SMARCA4: variants seen among roughly 807,000 people sequenced by gnomAD.
The protein encoded by SMARCA4 is SWI/SNF-related matrix-associated actin-dependent regulator of chromatin subfamily A member 4.
Under a neutral mutation model 193.9 loss-of-function variants are expected in SMARCA4, and 31 were observed. That is an observed-to-expected ratio of 0.16 (90% CI 0.12 to 0.22). SMARCA4 has a LOEUF of 0.22. SMARCA4 is among the 10% of genes least tolerant of loss of function. The pLI is 1.00. For synonymous variants in SMARCA4, 942 were observed against 933.1 expected (o/e 1.01, Z -0.17); for missense variants, 1,148 against 2,296.0 (o/e 0.50, Z 10.22).
At chr19:11,048,401 G>A (rs936525013) in intron 30 of SMARCA4, among the ~76,000 whole-genome samples, 1 of 152,116 alleles carries the variant, frequency 6.6e-6, no homozygotes, top group African/African-American at 2.4e-5. Context: ...TGCCTGGCCG[G>A]AATTTTTGTT....
At chr19:11,008,065 TGA>T (rs1361891198) in intron 14 of SMARCA4, 42 bp downstream of exon 14, 1 of 1,600,456 alleles carries the variant, frequency 6.2e-7, no homozygotes, top group Non-Finnish European at 8.5e-7. Flanking sequence ...CAGCTTCCTG[TGA>T]GGTGGCGCTG....
At chr19:11,049,744 A>G (rs2076153672) in intron 30 of SMARCA4, among the ~76,000 whole-genome samples, 3 of 152,206 alleles carry the variant, frequency 2.0e-5, no homozygotes, top group Non-Finnish European at 4.4e-5. Context: ...GCAGCCTGCT[A>G]AAGACCACCC....
At chr19:11,057,111 T>G (rs1213342724) in intron 30 of SMARCA4, among the ~76,000 whole-genome samples, 1 of 152,236 alleles carries the variant, frequency 6.6e-6, no homozygotes, top group Non-Finnish European at 1.5e-5. Flanking sequence ...CTTTTAGGCT[T>G]CGTCCGCCTG....
chr19:11,014,985 TTG>T (rs2089221050), intron 16 of SMARCA4, among the ~76,000 whole-genome samples: 1 of 152,002 alleles, frequency 6.6e-6, no homozygotes, highest in Non-Finnish European at 1.5e-5. Flanking sequence ...GCTAACTTTT[TTG>T]CATTTTTAGT....
chr19:11,045,472 A>G (rs1157063617), intron 30 of SMARCA4, among the ~76,000 whole-genome samples: 4 of 152,236 alleles, frequency 2.6e-5, no homozygotes, highest in Non-Finnish European at 5.9e-5. Context: ...TATTCTCTCT[A>G]TAGATCTGGA....
chr19:11,003,922 G>T (rs2087910990), intron 13 of SMARCA4, among the ~76,000 whole-genome samples: 1 of 151,628 alleles, frequency 6.6e-6, no homozygotes, highest in South Asian at 2.1e-4. Context: ...ATATTGGCCA[G>T]GCTGGTCTCA....
intron 11 of SMARCA4, among the ~76,000 whole-genome samples, chr19:10,997,074 A>G (rs1269279035): frequency 6.6e-6 from 1 of 151,792 alleles, no homozygotes; most frequent in Non-Finnish European, 1.5e-5. Flanking sequence ...GGCTAGAGTA[A>G]AGTGGTGCAA....
intron 12 of SMARCA4, 46 bp downstream of exon 12, chr19:11,003,205 C>T (rs377366780): frequency 1.1e-5 from 18 of 1,613,056 alleles, no homozygotes; most frequent in African/African-American, 5.3e-5. Context: ...TCCAAGTCCT[C>T]GGTGGGCCTT....
intron 30 of SMARCA4, among the ~76,000 whole-genome samples, chr19:11,053,877 C>CTCTAG (rs1305308765): frequency 6.6e-6 from 1 of 152,162 alleles, no homozygotes; most frequent in Non-Finnish European, 1.5e-5. Context: ...CACCACTGCA[C>CTCTAG]TCTAGCCTGG....
rs1317459650 is a variant in SMARCA4, at chr19:11,021,971, G to C, written c.2859+4G>C. 1 of 1,611,714 alleles carries C rather than the reference G, an allele frequency of 6.2e-7. No homozygotes were observed. Among genetic ancestry groups the C allele is most frequent in the Non-Finnish European group, 8.5e-7 (1 of 1,179,942 alleles). On this transcript the variant is annotated splice_donor_region_variant and intron_variant, in intron 19 of 34. Coordinates refer to ENST00000344626, the MANE Select transcript of SMARCA4 (RefSeq NM_003072.5). Reference sequence around the variant, plus strand: ...CTTTGCCATGACCGGGGAAAAGGTGGGTTTGCCCAGCTGTGCCCATGCTGA... The same window carrying C: ...CTTTGCCATGACCGGGGAAAAGGTGCGTTTGCCCAGCTGTGCCCATGCTGA...
chr19:11,060,008 G>C (rs1435580352), intron 33 of SMARCA4, 37 bp from the exon 34 acceptor site: 1 of 1,601,336 alleles, frequency 6.2e-7, no homozygotes. Flanking sequence ...TGCATTCCCA[G>C]AGCTCAAGGC....
intron 30 of SMARCA4, among the ~76,000 whole-genome samples, chr19:11,051,181 G>A (rs1275009262): frequency 6.6e-6 from 1 of 152,226 alleles, no homozygotes; most frequent in African/African-American, 2.4e-5. Flanking sequence ...TGTGAGTCGG[G>A]CCCTACCCCC....
In SMARCA4 at chr19:11,025,523, G is replaced by T. The variant is rs757779375; in HGVS notation, c.3168+15G>T. On this transcript the variant is annotated intron_variant, in intron 22 of 34. Transcript: ENST00000344626. Reference sequence around the variant, plus strand: ...AGCACATCGAGGTGAGCCCGCCGCGGCTGGGACGGCTCAGGCCCTGCTGTC... The same window carrying T: ...AGCACATCGAGGTGAGCCCGCCGCGTCTGGGACGGCTCAGGCCCTGCTGTC... 2.5e-6 allele frequency: 4 copies of T among 1,603,826 alleles called. No homozygotes were observed. The highest frequency in any genetic ancestry group is 3.4e-6 in the Non-Finnish European group (4 of 1,172,096).
At chr19:11,060,293 A>G (rs2076792801) in intron 34 of SMARCA4, 106 bp downstream of exon 34, 7 of 1,376,944 alleles carry the variant, frequency 5.1e-6, no homozygotes, top group Non-Finnish European at 7.1e-6. Context: ...CCCACGCTGC[A>G]GGTGGGAAAG....
At chr19:11,017,477 C>T (rs540778800) in intron 16 of SMARCA4, among the ~76,000 whole-genome samples, 13 of 152,370 alleles carry the variant, frequency 8.5e-5, no homozygotes, top group Admixed American at 1.3e-4. Flanking sequence ...GAAGAGGGCC[C>T]GCGCGCTAGG....
chr19:11,046,870 C>T (rs2075954990), intron 30 of SMARCA4, among the ~76,000 whole-genome samples: 1 of 147,974 alleles, frequency 6.8e-6, no homozygotes, highest in African/African-American at 2.5e-5. Flanking sequence ...GCAGAAGGAC[C>T]ACAAGAAGTC....
Position 11,039,495 on chromosome 19 carries a change from G to A in SMARCA4, c.4171-1812G>A. 3.1e-6 allele frequency: 5 copies of A among 1,601,778 alleles called. No homozygotes were observed. Among genetic ancestry groups the A allele is most frequent in the African/African-American group, 1.3e-5 (1 of 74,138 alleles). On this transcript the variant is annotated intron_variant, in intron 29 of 34. Coordinates refer to ENST00000344626, the MANE Select transcript of SMARCA4 (RefSeq NM_003072.5). ...AAAGATATCCATGACACAGCCAGCA[G>A]TGTGGCACGTGGGCTACAATTCCAG...
rs1198639217 is a variant in SMARCA4 at position 10,961,194 on chromosome 19, G to A, written c.-32+20G>A. ...CTCCTGGTAAGGAACGCGGGCCGCG[G>A]GGGCAGCGCGGCGCGGGGCCGGGGA... On this transcript the variant is annotated intron_variant, in intron 1 of 34. Transcript: ENST00000344626. The A allele has an allele frequency of 6.7e-6, 1 of 148,302 alleles. No homozygotes were observed. The highest frequency in any genetic ancestry group is 2.0e-4 in the East Asian group (1 of 5,028). The allele number at this position is 148,302 out of a possible 1,614,324, so 9.2% of individuals were successfully genotyped here.
intron 1 of SMARCA4, among the ~76,000 whole-genome samples, chr19:10,967,075 A>G (rs2084280169): frequency 6.6e-6 from 1 of 152,108 alleles, no homozygotes; most frequent in Admixed American, 6.6e-5. Flanking sequence ...TGATTTCTTG[A>G]TTGAAGTTTT....
Sources: gnomAD v4.1 joint callset for allele counts (sites outside exome capture counted in the v4.1 genomes callset) on GRCh38, gnomAD v4.1.1 for gene constraint, MANE v1.5 for transcripts, NCBI Gene and HGNC (gene_info 2026-07-23, HGNC 2026-07-21) for gene names.